The following TMIGD1 variants were observed in gnomAD, a reference collection of about 807,000 sequenced individuals.
The protein encoded by TMIGD1 is transmembrane and immunoglobulin domain-containing protein 1.
TMIGD1 carries 29 observed loss-of-function variants against 27.5 expected under a neutral mutation model. That is an observed-to-expected ratio of 1.05 (90% CI 0.78 to 1.44). The LOEUF (loss-of-function observed/expected upper bound fraction) is 1.44. Ranked by LOEUF, TMIGD1 falls within the 40% of genes most tolerant of loss-of-function variation. The pLI is 0.00. For synonymous variants in TMIGD1, 109 were observed against 110.3 expected, an observed-to-expected ratio of 0.99 and a Z score of 0.07; for missense variants, 334 against 310.6, an observed-to-expected ratio of 1.08 and a Z score of -0.57.
chr17:30,325,222 C>T (rs981295670), intron 3 of TMIGD1, 128 bp from the exon 4 acceptor site: 11 of 966,058 alleles, frequency 1.1e-5, no homozygotes, highest in East Asian at 5.1e-5. Context: ...TAAATACGTA[C>T]GGTGTGACAA....
chr17:30,327,843 T>C (rs974654974), intron 3 of TMIGD1, among the ~76,000 whole-genome samples: 2 of 151,958 alleles, frequency 1.3e-5, no homozygotes, highest in African/African-American at 2.4e-5. Context: ...CCCATTGCCA[T>C]ACCATCCACA....
chr17:30,328,917 T>C (rs971539640), intron 3 of TMIGD1, among the ~76,000 whole-genome samples: 4 of 145,946 alleles, frequency 2.7e-5, no homozygotes, highest in African/African-American at 5.1e-5. Context: ...TGAGCCGAGA[T>C]TGCGCCACTG....
intron 4 of TMIGD1, among the ~76,000 whole-genome samples, chr17:30,320,320 G>A (rs1237199621): frequency 6.6e-6 from 1 of 152,084 alleles, no homozygotes; most frequent in Non-Finnish European, 1.5e-5. Context: ...ACAGGTATGA[G>A]CCACCGCACC....
intron 3 of TMIGD1, 55 bp from the exon 4 acceptor site, chr17:30,325,149 A>G: frequency 1.3e-6 from 2 of 1,530,908 alleles, no homozygotes; most frequent in Non-Finnish European, 1.8e-6. Flanking sequence ...GTTCACTGTC[A>G]GAGTTCAAAG....
intron 5 of TMIGD1, among the ~76,000 whole-genome samples, chr17:30,318,157 G>A (rs1909482442): frequency 6.6e-6 from 1 of 152,138 alleles, no homozygotes; most frequent in Admixed American, 6.6e-5. Flanking sequence ...TGGAATAGGG[G>A]GTGGAGTGAA....
chr17:30,331,235 A>T (rs564536584), intron 2 of TMIGD1, among the ~76,000 whole-genome samples: 1 of 152,092 alleles, frequency 6.6e-6, no homozygotes, highest in Non-Finnish European at 1.5e-5. Context: ...AGATAATGGT[A>T]TTGTTGTCTA....
rs755943339 is a variant in TMIGD1, at chr17:30,318,915, TG to T, written c.641-3del. 15 of 1,600,682 alleles carry T rather than the reference TG, an allele frequency of 9.4e-6. No individual in the cohort carries two copies. The highest frequency in any genetic ancestry group is 1.7e-4 in the Middle Eastern group (1 of 6,060). On this transcript the variant is annotated splice_polypyrimidine_tract_variant and splice_region_variant and intron_variant, in intron 4 of 6. Transcript: ENST00000328886. Reference sequence around the variant, plus strand: ...CTATTGGTACACCCACAGTTTTATCTGTAGGAAATGCAAACACAGGGAATAA... The same window carrying T: ...CTATTGGTACACCCACAGTTTTATCTTAGGAAATGCAAACACAGGGAATAA...
intron 4 of TMIGD1, 66 bp from the exon 5 acceptor site, chr17:30,318,979 T>A: frequency 8.7e-7 from 1 of 1,154,156 alleles, no homozygotes. Flanking sequence ...GTCCCAGCAA[T>A]GGTGCCTTGA....
intron 4 of TMIGD1, 102 bp downstream of exon 4, chr17:30,324,714 C>G: frequency 4.4e-6 from 6 of 1,372,050 alleles, no homozygotes; most frequent in Admixed American, 2.2e-5. Context: ...AATCCTGGCC[C>G]TAATCATAAC....
chr17:30,317,069 T>C, intron 6 of TMIGD1, 124 bp downstream of exon 6: 5 of 1,163,454 alleles, frequency 4.3e-6, no homozygotes, highest in Non-Finnish European at 5.2e-6. Context: ...CTCCACCTTC[T>C]ATTCTCCTTT....
chr17:30,331,802 A>G (rs1597687324), intron 2 of TMIGD1, among the ~76,000 whole-genome samples: 1 of 151,990 alleles, frequency 6.6e-6, no homozygotes. Flanking sequence ...GTTAGCCAGG[A>G]TGGTCTCGAT....
intron 5 of TMIGD1, among the ~76,000 whole-genome samples, chr17:30,318,353 G>A (rs1456099488): frequency 6.6e-6 from 1 of 152,136 alleles, no homozygotes; most frequent in African/African-American, 2.4e-5. Context: ...ACCAACCAAC[G>A]AGGATAACCA....
At chr17:30,330,679 G>T (rs1909946698) in intron 2 of TMIGD1, among the ~76,000 whole-genome samples, 1 of 152,202 alleles carries the variant, frequency 6.6e-6, no homozygotes, top group Non-Finnish European at 1.5e-5. Flanking sequence ...TGTGGGTTGG[G>T]TGATCAGGAT....
intron 4 of TMIGD1, among the ~76,000 whole-genome samples, chr17:30,319,447 A>C (rs1909547326): frequency 6.8e-6 from 1 of 147,094 alleles, no homozygotes; most frequent in African/African-American, 2.5e-5. Flanking sequence ...AAAAAAAAAA[A>C]AAAAGTCACA....
intron 4 of TMIGD1, among the ~76,000 whole-genome samples, chr17:30,321,182 G>T (rs557178550): frequency 9.0e-4 from 134 of 149,274 alleles, no homozygotes; most frequent in Non-Finnish European, 1.7e-3. Flanking sequence ...TTTTTTTAGA[G>T]ATGGAGCCTG....
At position 30,329,458 on chromosome 17, in the gene TMIGD1, G is replaced by A; in HGVS notation, c.154C>T (p.Leu52=). 6.2e-7 allele frequency: 1 copy of A among 1,614,166 alleles called. No homozygotes were observed. The highest frequency in any genetic ancestry group is 8.5e-7 in the Non-Finnish European group (1 of 1,180,026). ...LDTTPGSQAS[L]ICAVQNHTRE... is the part of the protein sequence containing the mutation. ...GTGTGGTTTTGAACAGCACATATCA[G>A]AGATGCTTGGGAGCCAGGTGTAGTA... Residue 52 remains leucine, a synonymous_variant, in exon 3 of 7, where the codon CTG becomes TTG. Transcript: ENST00000328886.
At chr17:30,319,261 A>AAAAAAAAAAAAAAAAAAATATAT in intron 4 of TMIGD1, among the ~76,000 whole-genome samples, 2 of 69,044 alleles carry the variant, frequency 2.9e-5, no homozygotes, top group Admixed American at 1.5e-4. Context: ...AAAAAAAAAA[A>AAAAAAAAAAAAAAAAAAATATAT]ATATATATAT....
At position 30,319,261 on chromosome 17, in the gene TMIGD1, A is replaced by AAAATATATATATATATATAT; in HGVS notation, c.641-349_641-348insATATATATATATATATATTT. Reference sequence around the variant, plus strand: ...TGTAAAAAAAAAAGAAAAAAAAAAAAATATATATATATATATAGCTGGGCA... The same window carrying AAAATATATATATATATATAT: ...TGTAAAAAAAAAAGAAAAAAAAAAAAAAATATATATATATATATATATATATATATATATATAGCTGGGCA... On this transcript the variant is annotated intron_variant, in intron 4 of 6. Transcript: ENST00000328886. 7.2e-5 allele frequency among the ~76,000 whole-genome samples: 5 copies of AAAATATATATATATATATAT among 69,046 alleles called. No homozygotes were observed. In the East Asian group the frequency reaches 7.8e-4, roughly 11 times the overall value. 45.3% of individuals were successfully genotyped at this position (69,046 alleles called of 152,430 possible). A position where few individuals can be genotyped will look rare whatever the true frequency, so the allele number is the denominator to read the frequency against.
intron 2 of TMIGD1, among the ~76,000 whole-genome samples, chr17:30,331,103 G>A (rs1909962768): frequency 1.3e-5 from 2 of 152,258 alleles, no homozygotes; most frequent in South Asian, 2.1e-4. Context: ...GCTGAGGCAG[G>A]AGAATCACTT....
Sources: gnomAD v4.1 joint callset for allele counts (sites outside exome capture counted in the v4.1 genomes callset) on GRCh38, gnomAD v4.1.1 for gene constraint, MANE v1.5 for transcripts, NCBI Gene and HGNC (gene_info 2026-07-23, HGNC 2026-07-21) for gene names.